PRKAR1B: variants seen among roughly 807,000 people sequenced by gnomAD.
PRKAR1B encodes the protein protein kinase cAMP-dependent type I regulatory subunit beta, also known as cAMP-dependent protein kinase type I-beta regulatory subunit.
In PRKAR1B, 22 loss-of-function variants were observed where a neutral mutation model predicts 46.5. The observed-to-expected ratio is 0.47, with a 90% CI of 0.34 to 0.68. The LOEUF (loss-of-function observed/expected upper bound fraction) is 0.68, where lower values mean the gene tolerates loss of function less well. Ranked by LOEUF, PRKAR1B falls within the 30% of genes least tolerant of loss-of-function variation. The pLI, the probability that PRKAR1B is intolerant of heterozygous loss-of-function variation, is 0.01. For synonymous variants in PRKAR1B, 259 were observed against 217.7 expected (o/e 1.19, Z -1.67); for missense variants, 445 against 535.6 (o/e 0.83, Z 1.67).
rs1274843801 is a variant in PRKAR1B, at chr7:602,453, C to G, written c.549+3740G>C. ...ACCTCCCGGCCCCTTTGCCGAGGTC[C>G]TGGCCCAGGTGGGGCTCCCGGGAGC... On this transcript the variant is annotated intron_variant, in intron 6 of 10. Coordinates refer to ENST00000537384, the MANE Select transcript of PRKAR1B (RefSeq NM_001164760.2). This position sits in a 1 kb window ranked among gnomAD's most constrained non-coding sequence, Gnocchi z 6.4. 2 of 168,804 alleles carry G rather than the reference C, an allele frequency of 1.2e-5. No homozygotes were observed. The highest frequency in any genetic ancestry group is 4.8e-5 in the African/African-American group (2 of 41,532). The allele number at this position is 168,804 out of a possible 1,614,324, so 10.5% of individuals were successfully genotyped here.
At chr7:696,082 T>C (rs1052271938) in intron 2 of PRKAR1B, among the ~76,000 whole-genome samples, 1 of 145,338 alleles carries the variant, frequency 6.9e-6, no homozygotes, top group Admixed American at 6.9e-5. Context: ...AATCCCTCCA[T>C]CTCAGCCTCC....
At chr7:638,756 A>G (rs970255696) in intron 4 of PRKAR1B, among the ~76,000 whole-genome samples, 1 of 151,916 alleles carries the variant, frequency 6.6e-6, no homozygotes, top group Non-Finnish European at 1.5e-5. Context: ...TTCAACACAC[A>G]CTCTTACAAC....
At chr7:583,481 GCA>G (rs565440785) in intron 8 of PRKAR1B, among the ~76,000 whole-genome samples, 5,831 of 105,314 alleles carry the variant, frequency 0.055, 483 homozygotes, top group Middle Eastern at 0.13. Flanking sequence ...TCACACCCAC[GCA>G]CACACGTGTG....
chr7:641,449 A>G (rs939016992), intron 4 of PRKAR1B, among the ~76,000 whole-genome samples: 1 of 152,210 alleles, frequency 6.6e-6, no homozygotes, highest in Non-Finnish European at 1.5e-5. Context: ...CAAACAACCC[A>G]GATGACGCCG....
At chr7:646,467 C>T (rs577770804) in intron 4 of PRKAR1B, among the ~76,000 whole-genome samples, 35 of 152,360 alleles carry the variant, frequency 2.3e-4, no homozygotes, top group African/African-American at 8.2e-4. Flanking sequence ...CCAAGCAGCT[C>T]GATGGTGGGG....
At chr7:651,090 C>T (rs765052875) in intron 4 of PRKAR1B, among the ~76,000 whole-genome samples, 6 of 152,222 alleles carry the variant, frequency 3.9e-5, no homozygotes, top group Non-Finnish European at 8.8e-5. Context: ...GAAACTCCTT[C>T]AGGTCTGGAA....
chr7:568,211 G>T lies in PRKAR1B; in HGVS notation c.891+11045C>A, dbSNP rs537349503. Among the ~76,000 whole-genome samples the T allele has an allele frequency of 1.1e-4, 16 of 152,084 alleles. No homozygotes were observed. In the South Asian group the frequency reaches 2.7e-3, roughly 26 times the overall value. Reference sequence around the variant, plus strand: ...CCCCCGTGCCGCTAAGCACCCCCTCGGTCTGGCCCCACACGTTTCCCACCC... The same window carrying T: ...CCCCCGTGCCGCTAAGCACCCCCTCTGTCTGGCCCCACACGTTTCCCACCC... On this transcript the variant is annotated intron_variant, in intron 9 of 10. Coordinates refer to ENST00000537384, the MANE Select transcript of PRKAR1B (RefSeq NM_001164760.2).
chr7:673,836 A>G (rs1487554547), intron 4 of PRKAR1B, among the ~76,000 whole-genome samples: 2 of 152,200 alleles, frequency 1.3e-5, no homozygotes, highest in Non-Finnish European at 2.9e-5. Context: ...ATCCAGGATC[A>G]GCAGGTGGAA....
rs544365549 is a variant in PRKAR1B at position 658,188 on chromosome 7, C to T, written c.440+19041G>A. ...GTGGCTCACACCTGTAATCCCAGCACTTTGAGATGCCAAGGAGGGAGCACT... is the reference window on the plus strand; with the variant it reads ...GTGGCTCACACCTGTAATCCCAGCATTTTGAGATGCCAAGGAGGGAGCACT... On this transcript the variant is annotated intron_variant, in intron 4 of 10. Coordinates refer to ENST00000537384, the MANE Select transcript of PRKAR1B (RefSeq NM_001164760.2). Among the ~76,000 whole-genome samples the T allele has an allele frequency of 3.3e-5, 5 of 152,186 alleles. No homozygotes were observed. The South Asian group carries it at 1.0e-3, about 32-fold the overall frequency.
chr7:662,387 T>TC (rs1785643519), intron 4 of PRKAR1B, among the ~76,000 whole-genome samples: 1 of 37,528 alleles, frequency 2.7e-5, no homozygotes, highest in Non-Finnish European at 5.1e-5. Flanking sequence ...TACCTACTCT[T>TC]CCCTCCATGG....
intron 2 of PRKAR1B, among the ~76,000 whole-genome samples, chr7:684,755 CCAAA>C: frequency 6.6e-6 from 1 of 152,040 alleles, no homozygotes; most frequent in Non-Finnish European, 1.5e-5. Flanking sequence ...GTGGAAATTC[CCAAA>C]CTACACAAGA....
At chr7:609,930 G>C (rs1427015125) in intron 4 of PRKAR1B, among the ~76,000 whole-genome samples, 3 of 151,888 alleles carry the variant, frequency 2.0e-5, no homozygotes, top group Admixed American at 6.6e-5. Context: ...TTTTTTAATT[G>C]ATGGGTCTCG....
chr7:633,009 G>A (rs926599911), intron 4 of PRKAR1B, among the ~76,000 whole-genome samples: 7 of 152,246 alleles, frequency 4.6e-5, no homozygotes, highest in Admixed American at 2.6e-4. Context: ...CCAGGCGCGC[G>A]GGTCGTAGTG....
At chr7:671,611 AC>A (rs928771903) in intron 4 of PRKAR1B, among the ~76,000 whole-genome samples, 1 of 151,896 alleles carries the variant, frequency 6.6e-6, no homozygotes, top group Admixed American at 6.6e-5. Flanking sequence ...GGCGTGTACC[AC>A]CAGGCCCGGG....
chr7:621,122 C>A (rs574966537), intron 4 of PRKAR1B, among the ~76,000 whole-genome samples: 1 of 152,330 alleles, frequency 6.6e-6, no homozygotes, highest in East Asian at 1.9e-4. Flanking sequence ...TCATCTCCAC[C>A]TGATCACAGT....
intron 4 of PRKAR1B, among the ~76,000 whole-genome samples, chr7:611,383 G>T (rs374265193): frequency 7.9e-5 from 12 of 152,244 alleles, no homozygotes; most frequent in East Asian, 7.7e-4. Context: ...CCAGTAAGGA[G>T]CCCCTGCTAT....
chr7:727,817 T>C (rs1179024704), upstream of PRKAR1B, among the ~76,000 whole-genome samples: 1 of 128,070 alleles, frequency 7.8e-6, no homozygotes, highest in Non-Finnish European at 1.7e-5. Flanking sequence ...CCTCCCTGCC[T>C]GAGCCCCCTC....
intron 9 of PRKAR1B, among the ~76,000 whole-genome samples, chr7:572,814 G>T (rs1328312190): frequency 6.6e-6 from 1 of 152,206 alleles, no homozygotes; most frequent in Admixed American, 6.5e-5. Flanking sequence ...CATGCACAGG[G>T]CATCTGCGAC....
rs1554303272 is a variant in PRKAR1B, at chr7:685,385, C to CGTAT, written c.178-4660_178-4659insATAC. Among the ~76,000 whole-genome samples, 58 of 79,516 alleles carry CGTAT rather than the reference C, an allele frequency of 7.3e-4. 5 individuals are homozygous for CGTAT. Among genetic ancestry groups the CGTAT allele is most frequent in the Middle Eastern group, 0.01 (1 of 98 alleles). The allele number at this position is 79,516 out of a possible 152,430, so 52.2% of individuals were successfully genotyped here. A position where few individuals can be genotyped will look rare whatever the true frequency, so the allele number is the denominator to read the frequency against. On this transcript the variant is annotated intron_variant, in intron 2 of 10. Transcript: ENST00000537384. The stretch of plus-strand genomic sequence containing the variant: ...ATATACACATATATATATATACATA[C>CGTAT]ATATATATATATATATGTATATATA...
Sources: gnomAD v4.1 joint callset for allele counts (sites outside exome capture counted in the v4.1 genomes callset) on GRCh38, gnomAD v4.1.1 for gene constraint, Gnocchi (gnomAD v3.1) non-coding constraint, MANE v1.5 for transcripts, NCBI Gene and HGNC (gene_info 2026-07-23, HGNC 2026-07-21) for gene names.